Variants in TENM3 observed in about 807,000 individuals in gnomAD.
The protein encoded by TENM3 is teneurin transmembrane protein 3.
A neutral mutation model predicts 255.1 loss-of-function variants in TENM3; 63 were observed. The observed-to-expected ratio is 0.25, with a 90% CI of 0.20 to 0.30. The LOEUF (loss-of-function observed/expected upper bound fraction) is 0.30. Ranked by LOEUF, TENM3 falls within the 10% of genes least tolerant of loss-of-function variation. The pLI is 1.00. For synonymous variants in TENM3, 1,306 were observed against 1,322.3 expected, an observed-to-expected ratio of 0.99 and a Z score of 0.27; for missense variants, 2,929 against 3,461.1, an observed-to-expected ratio of 0.85 and a Z score of 3.86.
At chr4:181,933,593 T>A in the TENM3 span, among the ~76,000 whole-genome samples, 6 of 152,292 alleles carry the variant, frequency 3.9e-5, no homozygotes, top group Admixed American at 6.5e-5. Flanking sequence ...GGTTAATAGG[T>A]CTATCTAGCA....
the TENM3 span, among the ~76,000 whole-genome samples, chr4:181,706,200 T>A: frequency 6.6e-6 from 1 of 152,114 alleles, no homozygotes; most frequent in Non-Finnish European, 1.5e-5. Context: ...TCCATGTCTG[T>A]GTCCAAATCT....
intron 12 of TENM3, among the ~76,000 whole-genome samples, chr4:182,708,592 G>A (rs543073088): frequency 6.6e-6 from 1 of 152,240 alleles, no homozygotes; most frequent in East Asian, 1.9e-4. Flanking sequence ...GAGGTCAGGA[G>A]ATCGAGACCA....
intron 12 of TENM3, among the ~76,000 whole-genome samples, chr4:182,703,461 G>A (rs1389165367): frequency 1.3e-5 from 2 of 152,122 alleles, no homozygotes; most frequent in Non-Finnish European, 2.9e-5. Flanking sequence ...GAAGTTAGTG[G>A]GCTGGAATCT....
rs1347527799 is a variant in TENM3 at position 182,621,600 on chromosome 4, C to CA, written c.750-7046dup. Among the ~76,000 whole-genome samples the CA allele has an allele frequency of 8.6e-4, 65 of 75,852 alleles. 1 individual carries two copies. Among genetic ancestry groups the CA allele is most frequent in the South Asian group, 3.2e-3 (9 of 2,856 alleles). 49.8% of individuals were successfully genotyped at this position (75,852 alleles called of 152,430 possible). A position where few individuals can be genotyped will look rare whatever the true frequency, so the allele number is the denominator to read the frequency against. On this transcript the variant is annotated intron_variant, in intron 4 of 27. Transcript: ENST00000511685. The stretch of plus-strand genomic sequence containing the variant: ...CAACATAGGGAGACCCCCATCTGTA[C>CA]AAAAATATATATAAATATATATATA...
chr4:181,628,362 G>A, the TENM3 span, among the ~76,000 whole-genome samples: 2 of 152,008 alleles, frequency 1.3e-5, no homozygotes, highest in Admixed American at 1.3e-4. Context: ...TCAATTTTGG[G>A]TTTTGTTGCC....
rs775660590 is a variant in TENM3, at chr4:182,673,021, T to A, written c.1128T>A (p.Phe376Leu). ...TACATTCAGGAAAATTAGGTGGATT[T>A]ACGCAAGAAAATAACACCATAGATT... is the stretch of plus-strand genomic sequence containing the variant. The part of the protein sequence containing the change: ...PSGDNGKLGG[F>L]TQENNTIDSG... Residue 376 changes from phenylalanine (F) to leucine (L), a missense_variant, in exon 7 of 28, where the codon TTT becomes TTA. Phe to Leu is a conservative substitution (Grantham distance 22, BLOSUM62 0). Around this residue, in one of 6 missense-constraint regions of TENM3, gnomAD observed 1,608 missense variants for 1,884.4 expected, o/e 0.85. Coordinates refer to ENST00000511685, the MANE Select transcript of TENM3 (RefSeq NM_001080477.4). 1 of 1,587,322 alleles carries A rather than the reference T, an allele frequency of 6.3e-7. No individual in the cohort carries two copies. Among genetic ancestry groups the A allele is most frequent in the Admixed American group, 1.8e-5 (1 of 56,382 alleles).
the TENM3 span, among the ~76,000 whole-genome samples, chr4:181,553,835 A>T: frequency 6.6e-6 from 1 of 151,960 alleles, no homozygotes; most frequent in Non-Finnish European, 1.5e-5. Context: ...GGACAAACTC[A>T]TAATTCTGAA....
intron 3 of TENM3, among the ~76,000 whole-genome samples, chr4:182,449,237 C>CCGCTCTGGAGCCGGTGGCTCCGCTT (rs758941265): frequency 2.0e-5 from 3 of 149,490 alleles, no homozygotes; most frequent in African/African-American, 7.3e-5. Flanking sequence ...CGGCTCCGCT[C>CCGCTCTGGAGCCGGTGGCTCCGCTT]TTCTCCCTTG....
intron 3 of TENM3, among the ~76,000 whole-genome samples, chr4:182,389,937 A>G (rs966639435): frequency 2.0e-5 from 3 of 152,100 alleles, no homozygotes; most frequent in East Asian, 3.9e-4. Context: ...CGCCCGCCTC[A>G]GCCTCTCAAA....
intron 3 of TENM3, among the ~76,000 whole-genome samples, chr4:182,416,475 G>C (rs1354835405): frequency 6.8e-6 from 1 of 147,876 alleles, no homozygotes; most frequent in Non-Finnish European, 1.5e-5. Context: ...AAAGTTCTTT[G>C]AGTCAAGCAA....
At chr4:182,214,223 C>T (rs1755281624) in intron 1 of TENM3, among the ~76,000 whole-genome samples, 1 of 152,150 alleles carries the variant, frequency 6.6e-6, no homozygotes, top group African/African-American at 2.4e-5. Flanking sequence ...TTAGAAAAAG[C>T]ATCATCCTAG....
the TENM3 span, among the ~76,000 whole-genome samples, chr4:181,540,614 CCTGTGGT>C: frequency 6.6e-6 from 1 of 152,110 alleles, no homozygotes; most frequent in East Asian, 1.9e-4. Context: ...TCACTTTAGC[CCTGTGGT>C]CTTCCTCCCA....
chr4:182,605,898 C>T (rs1748371110), intron 4 of TENM3, among the ~76,000 whole-genome samples: 2 of 152,116 alleles, frequency 1.3e-5, no homozygotes, highest in Admixed American at 6.5e-5. Flanking sequence ...GATAGCTGTA[C>T]CAGGCAAAGA....
intron 13 of TENM3, among the ~76,000 whole-genome samples, chr4:182,715,934 T>A (rs1759127604): frequency 6.6e-6 from 1 of 152,220 alleles, no homozygotes; most frequent in Non-Finnish European, 1.5e-5. Context: ...GAGCCACAAA[T>A]TCTGAGCTAA....
the TENM3 span, among the ~76,000 whole-genome samples, chr4:181,957,743 GA>G: frequency 4.6e-5 from 7 of 152,060 alleles, no homozygotes; most frequent in Admixed American, 6.6e-5. Flanking sequence ...TGATCTTTGG[GA>G]AACCATTGAA....
At chr4:182,615,042 A>ACATATATATATATATATATAT (rs1553999648) in intron 4 of TENM3, among the ~76,000 whole-genome samples, 1 of 57,462 alleles carries the variant, frequency 1.7e-5, no homozygotes, top group African/African-American at 4.5e-5. Context: ...AAAAAAAAAA[A>ACATATATATATATATATATAT]ATACATATAT....
At chr4:182,764,455 G>A (rs960017954) in intron 22 of TENM3, among the ~76,000 whole-genome samples, 5 of 152,184 alleles carry the variant, frequency 3.3e-5, no homozygotes, top group East Asian at 1.9e-4. Context: ...TCGACAGGCC[G>A]TGGAGGTACA....
At chr4:182,761,773 AT>A (rs1561214120) in intron 22 of TENM3, among the ~76,000 whole-genome samples, 2 of 152,204 alleles carry the variant, frequency 1.3e-5, no homozygotes, top group Non-Finnish European at 2.9e-5. Flanking sequence ...GGAAAATTCT[AT>A]TTTTGATAGA....
At chr4:181,858,000 C>T in the TENM3 span, among the ~76,000 whole-genome samples, 24 of 152,178 alleles carry the variant, frequency 1.6e-4, no homozygotes, top group African/African-American at 3.1e-4. Context: ...CTGGACCCAG[C>T]GATCCTGAAC....
Sources: gnomAD v4.1 joint callset for allele counts (sites outside exome capture counted in the v4.1 genomes callset) on GRCh38, gnomAD v4.1.1 for gene constraint, gnomAD v4.1.1 regional missense constraint, MANE v1.5 for transcripts, NCBI Gene and HGNC (gene_info 2026-07-23, HGNC 2026-07-21) for gene names.